CTNNA3: variants seen among roughly 807,000 people sequenced by gnomAD.
The protein encoded by CTNNA3 is catenin alpha-3.
A neutral mutation model predicts 95.7 loss-of-function variants in CTNNA3; 76 were observed. That is an observed-to-expected ratio of 0.79 (90% CI 0.66 to 0.96). The LOEUF is 0.96. Ranked by LOEUF, CTNNA3 falls within the 40% of genes least tolerant of loss-of-function variation. CTNNA3 has a pLI of 0.00. For synonymous variants in CTNNA3, 431 were observed against 374.4 expected (o/e 1.15, Z -1.74); for missense variants, 1,191 against 1,089.8 (o/e 1.09, Z -1.31).
intron 12 of CTNNA3, among the ~76,000 whole-genome samples, chr10:66,375,839 A>C (rs900904699): frequency 6.6e-6 from 1 of 152,178 alleles, no homozygotes; most frequent in Non-Finnish European, 1.5e-5. Flanking sequence ...TGAGACAAAA[A>C]ACATGTAACT....
chr10:65,977,915 A>G (rs1041941345), intron 16 of CTNNA3, among the ~76,000 whole-genome samples: 2 of 152,226 alleles, frequency 1.3e-5, no homozygotes, highest in Non-Finnish European at 2.9e-5. Flanking sequence ...TTTCAAAAAT[A>G]GGAATTTAAA....
intron 7 of CTNNA3, among the ~76,000 whole-genome samples, chr10:67,169,555 G>A (rs1861925217): frequency 6.6e-6 from 1 of 152,150 alleles, no homozygotes; most frequent in South Asian, 2.1e-4. Context: ...AATAAATGAT[G>A]CTGGGATAAC....
chr10:66,720,032 T>C (rs1269203344), intron 9 of CTNNA3, among the ~76,000 whole-genome samples: 6 of 152,124 alleles, frequency 3.9e-5, no homozygotes, highest in Admixed American at 3.9e-4. Flanking sequence ...CATGTATGAA[T>C]GCATACATAC....
chr10:67,349,918 A>G (rs571453871), intron 5 of CTNNA3, among the ~76,000 whole-genome samples: 1 of 152,180 alleles, frequency 6.6e-6, no homozygotes, highest in African/African-American at 2.4e-5. Context: ...ACCCCTACAC[A>G]GGAGGATTAA....
chr10:66,312,991 C>T (rs1442729402), intron 12 of CTNNA3, among the ~76,000 whole-genome samples: 1 of 152,144 alleles, frequency 6.6e-6, no homozygotes, highest in African/African-American at 2.4e-5. Context: ...CCATGATAAA[C>T]TTTAAAATGA....
Position 67,521,884 on chromosome 10 carries a change from C to T in CTNNA3, c.537G>A (p.Lys179=). The T allele has an allele frequency of 1.9e-6, 3 of 1,612,748 alleles. No homozygotes were observed. Among genetic ancestry groups the T allele is most frequent in the Non-Finnish European group, 2.5e-6 (3 of 1,179,064 alleles). ...DLQKTYQKLG[K]ELENLDYLAF... is the part of the protein sequence containing the mutation. The stretch of plus-strand genomic sequence containing the variant: ...CTAAATAATCCAAATTTTCCAGCTC[C>T]TTCCCAAGCTTCTGGTAGGTTTTCT... Residue 179 remains lysine, a synonymous_variant, in exon 5 of 18, where the codon AAG becomes AAA. Transcript: ENST00000433211.
intron 17 of CTNNA3, among the ~76,000 whole-genome samples, chr10:65,934,339 G>C (rs1270121677): frequency 1.3e-5 from 2 of 152,054 alleles, no homozygotes; most frequent in Non-Finnish European, 2.9e-5. Context: ...AGCACTAGTT[G>C]CTTCACATCA....
chr10:66,862,186 C>G (rs759692232), intron 7 of CTNNA3, among the ~76,000 whole-genome samples: 15 of 152,028 alleles, frequency 9.9e-5, no homozygotes, highest in Non-Finnish European at 1.5e-4. Flanking sequence ...TGCACTCCAA[C>G]CTGGGCAACA....
At chr10:66,059,802 A>C (rs1452179344) in intron 15 of CTNNA3, among the ~76,000 whole-genome samples, 1 of 152,096 alleles carries the variant, frequency 6.6e-6, no homozygotes, top group Admixed American at 6.6e-5. Flanking sequence ...AACACATCAC[A>C]TTGTATCTTG....
chr10:66,831,368 T>A lies in CTNNA3; in HGVS notation c.1048-55844A>T, dbSNP rs540667843. Among the ~76,000 whole-genome samples the A allele has an allele frequency of 2.6e-5, 4 of 152,310 alleles. No homozygotes were observed. In the South Asian group the frequency reaches 6.2e-4, roughly 24 times the overall value. ...CGTTCTGACTTTTCAAATTTCTTAA[T>A]TGTGCTATGCTTTTTCCCATCTCAA... On this transcript the variant is annotated intron_variant, in intron 7 of 17. Transcript: ENST00000433211.
chr10:66,308,066 C>T (rs1458373979), intron 12 of CTNNA3, among the ~76,000 whole-genome samples: 3 of 152,178 alleles, frequency 2.0e-5, no homozygotes, highest in Non-Finnish European at 4.4e-5. Flanking sequence ...GTCTAAAACA[C>T]ATCTTTGTTT....
At chr10:67,641,706 A>T (rs1418806677) in intron 2 of CTNNA3, among the ~76,000 whole-genome samples, 2 of 152,180 alleles carry the variant, frequency 1.3e-5, no homozygotes, top group African/African-American at 2.4e-5. Context: ...TGTCCTTTGT[A>T]GGGACATGGA....
At chr10:67,639,385 G>T (rs972305629) in intron 2 of CTNNA3, among the ~76,000 whole-genome samples, 1 of 152,126 alleles carries the variant, frequency 6.6e-6, no homozygotes, top group Non-Finnish European at 1.5e-5. Flanking sequence ...ACCAAAAAAA[G>T]TCCAGGACCA....
At chr10:67,413,285 A>T (rs916839657) in intron 5 of CTNNA3, among the ~76,000 whole-genome samples, 1 of 133,268 alleles carries the variant, frequency 7.5e-6, no homozygotes, top group Admixed American at 7.3e-5. Context: ...TTCTTCATTC[A>T]TTCATCATTC....
At chr10:65,944,873 TATCTATCTATCTATCTATCTATCTATC>T (rs1407261829) in intron 17 of CTNNA3, among the ~76,000 whole-genome samples, 3 of 147,936 alleles carry the variant, frequency 2.0e-5, no homozygotes, top group South Asian at 2.2e-4. Flanking sequence ...TCTATCTATC[TATCTATCTATCTATCTATCTATCTATC>T]ATCTATCTAT....
intron 11 of CTNNA3, among the ~76,000 whole-genome samples, chr10:66,456,260 G>A (rs1185290550): frequency 6.6e-6 from 1 of 152,104 alleles, no homozygotes; most frequent in East Asian, 1.9e-4. Context: ...AAAATTGGAG[G>A]AATCACCCTA....
chr10:67,577,503 T>C (rs1426797222), intron 3 of CTNNA3, among the ~76,000 whole-genome samples: 1 of 152,174 alleles, frequency 6.6e-6, no homozygotes, highest in Non-Finnish European at 1.5e-5. Context: ...GGTAGTTTCT[T>C]TTGCTGTGCA....
At chr10:66,129,504 C>T (rs2082986077) in intron 13 of CTNNA3, among the ~76,000 whole-genome samples, 1 of 152,150 alleles carries the variant, frequency 6.6e-6, no homozygotes, top group Non-Finnish European at 1.5e-5. Flanking sequence ...TCACCTTAAG[C>T]TCGACTTGCT....
chr10:66,875,072 A>C (rs780724021), intron 7 of CTNNA3, among the ~76,000 whole-genome samples: 1 of 152,192 alleles, frequency 6.6e-6, no homozygotes, highest in African/African-American at 2.4e-5. Flanking sequence ...GGAGATCAGC[A>C]ATCGATTGCT....
Sources: allele counts gnomAD v4.1 joint callset (sites outside exome capture counted in the v4.1 genomes callset), GRCh38; gene constraint gnomAD v4.1.1; transcripts MANE v1.5; gene names NCBI Gene and HGNC (gene_info 2026-07-23, HGNC 2026-07-21).